KMT2C: variants seen among roughly 807,000 people sequenced by gnomAD.
The protein encoded by KMT2C is histone-lysine N-methyltransferase 2C.
In KMT2C, 88 loss-of-function variants were observed where a neutral mutation model predicts 507.9. The observed-to-expected ratio is 0.17, with a 90% CI of 0.15 to 0.21. The LOEUF is 0.21. Among genes scored for constraint, KMT2C ranks in the 10% least tolerant of loss-of-function variants. KMT2C has a pLI of 1.00. For synonymous variants in KMT2C, 2,049 were observed against 2,080.8 expected (o/e 0.98, Z 0.42); for missense variants, 4,954 against 5,957.8 (o/e 0.83, Z 5.55).
chr7:152,354,566 T>C (rs2097138079), intron 2 of KMT2C, among the ~76,000 whole-genome samples: 1 of 152,202 alleles, frequency 6.6e-6, no homozygotes, highest in Non-Finnish European at 1.5e-5. Context: ...GTGACAAGTG[T>C]TACTTTTTAG....
In KMT2C at chr7:152,138,028, C is replaced by T. The variant is rs1007721435; in HGVS notation, c.14643+768G>A. On this transcript the variant is annotated intron_variant, in intron 58 of 58. Transcript: ENST00000262189. The surrounding 1 kb of genome is among the most constrained non-coding windows in gnomAD (Gnocchi z 4.2). ...GAGGAGCACCAACAAAGTCAAGTCA[C>T]TCAGGTGCCTCACTCCCCAAATGCG... is the stretch of plus-strand genomic sequence containing the variant. 2 of 152,248 alleles carry T rather than the reference C, an allele frequency of 1.3e-5. No individual in the cohort carries two copies. The highest frequency in any genetic ancestry group is 2.9e-5 in the Non-Finnish European group (2 of 68,048). The allele number at this position is 152,248 out of a possible 1,614,324, so 9.4% of individuals were successfully genotyped here.
intron 1 of KMT2C, among the ~76,000 whole-genome samples, chr7:152,387,620 A>G (rs1451298323): frequency 3.3e-5 from 5 of 152,110 alleles, no homozygotes; most frequent in Admixed American, 6.5e-5. Context: ...ACAGGCGCCC[A>G]CCACCATACC....
At chr7:152,241,544 A>C (rs1227013637) in intron 14 of KMT2C, among the ~76,000 whole-genome samples, 1 of 152,186 alleles carries the variant, frequency 6.6e-6, no homozygotes, top group Non-Finnish European at 1.5e-5. Flanking sequence ...TCTCAACAGC[A>C]GACCTTTCCT....
intron 1 of KMT2C, among the ~76,000 whole-genome samples, chr7:152,409,679 TGAG>T (rs2097660983): frequency 1.3e-5 from 2 of 151,946 alleles, no homozygotes; most frequent in African/African-American, 4.8e-5. Context: ...TGCAGTGAGC[TGAG>T]ATCACGCCAC....
At chr7:152,258,041 A>G (rs969273036) in intron 9 of KMT2C, among the ~76,000 whole-genome samples, 10 of 152,222 alleles carry the variant, frequency 6.6e-5, no homozygotes, top group African/African-American at 2.4e-4. Flanking sequence ...ACCTGCTGAA[A>G]GGATGAAGAA....
chr7:152,340,309 T>A (rs1279287142), intron 2 of KMT2C, among the ~76,000 whole-genome samples: 1 of 152,092 alleles, frequency 6.6e-6, no homozygotes. Flanking sequence ...AGCTATTAAA[T>A]AGAATAACTG....
chr7:152,435,573 C>G, intron 1 of KMT2C, 53 bp downstream of exon 1: 2 of 1,249,130 alleles, frequency 1.6e-6, no homozygotes, highest in Non-Finnish European at 1.0e-6. Context: ...GGTGACAGCT[C>G]CGGCCCGGCG....
chr7:152,310,637 G>T (rs1401208503), intron 5 of KMT2C, among the ~76,000 whole-genome samples: 2 of 152,082 alleles, frequency 1.3e-5, no homozygotes, highest in Non-Finnish European at 2.9e-5. Flanking sequence ...TCGTGCAGTG[G>T]GGCCCAGCAA....
chr7:152,293,288 T>C (rs1411442147), intron 6 of KMT2C, among the ~76,000 whole-genome samples: 1 of 152,196 alleles, frequency 6.6e-6, no homozygotes, highest in Non-Finnish European at 1.5e-5. Context: ...GGACCCCTTA[T>C]ATCACATGAT....
At chr7:152,306,654 TAC>T (rs958593062) in intron 6 of KMT2C, among the ~76,000 whole-genome samples, 4 of 152,240 alleles carry the variant, frequency 2.6e-5, no homozygotes, top group Non-Finnish European at 5.9e-5. Flanking sequence ...GGTAAATGCA[TAC>T]AGTTTGTTAG....
chr7:152,156,904 T>C (rs1184753537), intron 44 of KMT2C, among the ~76,000 whole-genome samples: 2 of 152,072 alleles, frequency 1.3e-5, no homozygotes, highest in African/African-American at 4.8e-5. Flanking sequence ...TTCAGACACC[T>C]CTCCCAGCTT....
At chr7:152,140,565 A>C (rs764558198) in intron 55 of KMT2C, among the ~76,000 whole-genome samples, 11 of 152,202 alleles carry the variant, frequency 7.2e-5, no homozygotes, top group Non-Finnish European at 1.3e-4. Flanking sequence ...GGGTTTTTGC[A>C]CTTAATTCTG....
At chr7:152,145,931 T>C (rs2129093742) in intron 53 of KMT2C, among the ~76,000 whole-genome samples, 1 of 152,324 alleles carries the variant, frequency 6.6e-6, no homozygotes, top group Non-Finnish European at 1.5e-5. Context: ...TAAGTATCAT[T>C]TAGGCAGGGC....
In KMT2C at chr7:152,162,891, T is replaced by A. The variant is rs2092532163; in HGVS notation, c.10686A>T (p.Pro3562=). The A allele has an allele frequency of 1.2e-6, 2 of 1,614,074 alleles. No individual in the cohort carries two copies. The highest frequency in any genetic ancestry group is 1.3e-5 in the African/African-American group (1 of 74,926). Reference sequence around the variant, plus strand: ...CACATGGGAGACTGCTATTAGCTACTGGAGGTGCTGCTGGTAAAGCAGGTG... The same window carrying A: ...CACATGGGAGACTGCTATTAGCTACAGGAGGTGCTGCTGGTAAAGCAGGTG... The part of the protein sequence containing the change: ...SFTPALPAAP[P]VANSSLPCGQ... The change falls in exon 43 of 59, where the codon CCA becomes CCT. Residue 3562 remains proline (P), a synonymous_variant. Coordinates refer to ENST00000262189, the MANE Select transcript of KMT2C (RefSeq NM_170606.3).
At chr7:152,330,156 G>C (rs1380142236) in intron 3 of KMT2C, among the ~76,000 whole-genome samples, 16 of 132,144 alleles carry the variant, frequency 1.2e-4, no homozygotes, top group Non-Finnish European at 2.4e-4. Context: ...AAAAGGGAGG[G>C]GGGGAGGGGT....
intron 1 of KMT2C, among the ~76,000 whole-genome samples, chr7:152,421,671 G>C (rs1354398695): frequency 4.6e-5 from 7 of 152,204 alleles, no homozygotes; most frequent in Non-Finnish European, 4.4e-5. Context: ...TAACTTCCAA[G>C]TGGGAGCTAA....
intron 41 of KMT2C, 73 bp from the exon 42 acceptor site, chr7:152,167,451 T>G: frequency 9.7e-7 from 1 of 1,030,246 alleles, no homozygotes; most frequent in Admixed American, 2.1e-5. Flanking sequence ...CAAATCTATT[T>G]TGTAAGGAAG....
At chr7:152,227,347 G>T (rs2094963555) in intron 18 of KMT2C, among the ~76,000 whole-genome samples, 1 of 152,092 alleles carries the variant, frequency 6.6e-6, no homozygotes, top group Non-Finnish European at 1.5e-5. Flanking sequence ...TCCATCCATG[G>T]TACCATGTCC....
At position 152,248,423 on chromosome 7, in the gene KMT2C, C is replaced by G. The variant is rs776384717; in HGVS notation, c.2011G>C (p.Glu671Gln). ...TVQQEQLQLLEEPETVVSREE... is the reference protein window; with the variant it reads ...TVQQEQLQLLQEPETVVSREE... Reference sequence around the variant, plus strand: ...CTGGATACCACTGTTTCAGGTTCCTCTAACAACTGCAGTTGTTCTTGCTGC... The same window carrying G: ...CTGGATACCACTGTTTCAGGTTCCTGTAACAACTGCAGTTGTTCTTGCTGC... The change falls in exon 14 of 59, where the codon GAG becomes CAG. Residue 671 changes from glutamate to glutamine, a missense_variant. Glu to Gln is a conservative substitution (Grantham distance 29). Transcript: ENST00000262189. 3.1e-6 allele frequency: 5 copies of G among 1,614,044 alleles called. No homozygotes were observed. Among genetic ancestry groups the G allele is most frequent in the South Asian group, 2.2e-5 (2 of 91,074 alleles).
Sources: gnomAD v4.1 joint callset for allele counts (sites outside exome capture counted in the v4.1 genomes callset) on GRCh38, gnomAD v4.1.1 for gene constraint, Gnocchi (gnomAD v3.1) non-coding constraint, MANE v1.5 for transcripts, NCBI Gene and HGNC (gene_info 2026-07-23, HGNC 2026-07-21) for gene names.